Variants in PATZ1 observed in about 807,000 individuals in gnomAD.
PATZ1 encodes the protein POZ/BTB and AT hook containing zinc finger 1.
Under a neutral mutation model 46.2 loss-of-function variants are expected in PATZ1, and 9 were observed. The ratio of observed to expected loss-of-function variants is 0.19; its 90% CI spans 0.12 to 0.34. The LOEUF (loss-of-function observed/expected upper bound fraction) is 0.34. Ranked by LOEUF, PATZ1 falls within the 10% of genes least tolerant of loss-of-function variation. The probability of loss-of-function intolerance (pLI) is 1.00; values close to 1 mark genes in which losing one functional copy is unlikely to be tolerated. For missense variants in PATZ1, 632 were observed against 923.0 expected (o/e 0.68, Z 4.08); for synonymous variants, 426 against 378.6 (o/e 1.13, Z -1.45).
Position 31,328,631 on chromosome 22 carries a change from G to T in PATZ1, c.1645+156C>A, listed in dbSNP as rs2049396783. Among the ~76,000 whole-genome samples the T allele has an allele frequency of 1.3e-5, 2 of 152,212 alleles. No homozygotes were observed. The highest frequency in any genetic ancestry group is 4.1e-4 in the South Asian group (2 of 4,834). On this transcript the variant is annotated intron_variant, in intron 4 of 4. Transcript: ENST00000266269. This position sits in a 1 kb window ranked among gnomAD's most constrained non-coding sequence, Gnocchi z 4.8. ...ACTGCCCTGGAGTGAGATACCCACT[G>T]TGACTTTTGTCCTGGAGGCCACTGC...
At chr22:31,335,470 T>G (rs1327800028) in intron 3 of PATZ1, 4 of 524,694 alleles carry the variant, frequency 7.6e-6, no homozygotes, top group South Asian at 2.8e-5. Context: ...TGTTTTGACC[T>G]GCTGGTCTCC....
At position 31,345,095 on chromosome 22, in the gene PATZ1, C is replaced by T; in HGVS notation, c.508G>A (p.Ala170Thr). 1.9e-6 allele frequency: 3 copies of T among 1,614,174 alleles called. No homozygotes were observed. The highest frequency in any genetic ancestry group is 8.5e-7 in the Non-Finnish European group (1 of 1,180,030). The change falls in exon 1 of 5, where the codon GCC (alanine) becomes ACC (threonine). Residue 170 changes from alanine (A) to threonine (T), a missense_variant. Ala to Thr is a moderately conservative substitution (Grantham distance 58). This residue lies in a region of PATZ1 where 279 missense variants were observed against 284.3 expected (regional missense o/e 0.98). Coordinates refer to ENST00000266269, the MANE Select transcript of PATZ1 (RefSeq NM_014323.3). This position sits in a 1 kb window ranked among gnomAD's most constrained non-coding sequence, Gnocchi z 7.4. ...GGGGGGCGAAAGAGCATTATATCGG[C>T]GCGGGCAGGGGGTACCAGGATCTGT... ...NVQILVPPARADIMLFRPPGT... is the reference protein window; with the variant it reads ...NVQILVPPARTDIMLFRPPGT...
chr22:31,327,867 G>A lies in PATZ1; in HGVS notation c.1646-558C>T, dbSNP rs2049387136. 6.6e-6 allele frequency among the ~76,000 whole-genome samples: 1 copy of A among 152,096 alleles called. No homozygotes were observed. On this transcript the variant is annotated intron_variant, in intron 4 of 4. Coordinates refer to ENST00000266269, the MANE Select transcript of PATZ1 (RefSeq NM_014323.3). The surrounding 1 kb of genome is among the most constrained non-coding windows in gnomAD (Gnocchi z 4.2). ...CTGCAAACATAGCCCTGTCCTTACC[G>A]CCTTCCTTCTGCCAAAACCTTTTCA... is the stretch of plus-strand genomic sequence containing the variant.
intron 2 of PATZ1, among the ~76,000 whole-genome samples, chr22:31,342,314 C>T (rs2049592598): frequency 6.6e-6 from 1 of 152,166 alleles, no homozygotes; most frequent in South Asian, 2.1e-4. Context: ...GCCCACTTTG[C>T]TCTCCAGTCC....
At position 31,327,049 on chromosome 22, in the gene PATZ1, G is replaced by A. The variant is rs370436681; in HGVS notation, c.1906C>T (p.Leu636=). 6 of 1,613,928 alleles carry A rather than the reference G, an allele frequency of 3.7e-6. No individual in the cohort carries two copies. Among genetic ancestry groups the A allele is most frequent in the Non-Finnish European group, 5.1e-6 (6 of 1,179,986 alleles). Residue 636 remains leucine (L), a synonymous_variant, in exon 5 of 5, where the codon CTG becomes TTG. Transcript: ENST00000266269. The surrounding 1 kb of genome is among the most constrained non-coding windows in gnomAD (Gnocchi z 4.2). The part of the protein sequence containing the change: ...KVHVRALGGP[L]GDLGPALGSP... ...CCAAGGGCAGGGCCCAGGTCCCCCAGGGGGCCCCCGAGAGCCCGGACATGC... is the reference window on the plus strand; with the variant it reads ...CCAAGGGCAGGGCCCAGGTCCCCCAAGGGGCCCCCGAGAGCCCGGACATGC...
At position 31,345,568 on chromosome 22, in the gene PATZ1, G is replaced by T. The variant is rs2049643334; in HGVS notation, c.35C>A (p.Ser12Tyr). The T allele has an allele frequency of 1.2e-6, 2 of 1,601,064 alleles. No homozygotes were observed. The highest frequency in any genetic ancestry group is 1.7e-6 in the Non-Finnish European group (2 of 1,170,750). ...ERVNDASCGP[S>Y]GCYTYQVSRH... ...GCTCACCTGGTATGTGTAGCAGCCA[G>T]ACGGGCCGCACGAAGCGTCGTTCAC... Residue 12 changes from serine to tyrosine, a missense_variant, in exon 1 of 5, where the codon TCT (serine) becomes TAT (tyrosine). Around this residue, in one of 7 missense-constraint regions of PATZ1, gnomAD observed 30 missense variants for 27.7 expected, o/e 1.08. Coordinates refer to ENST00000266269, the MANE Select transcript of PATZ1 (RefSeq NM_014323.3). The surrounding 1 kb of genome is among the most constrained non-coding windows in gnomAD (Gnocchi z 7.4).
At position 31,331,090 on chromosome 22, in the gene PATZ1, G is replaced by T. The variant is rs929720745; in HGVS notation, c.1508-2166C>A. Among the ~76,000 whole-genome samples the T allele has an allele frequency of 2.6e-5, 4 of 152,206 alleles. 1 individual carries two copies. The highest frequency in any genetic ancestry group is 2.0e-4 in the Admixed American group (3 of 15,282). ...GTTGTCCTGTGCTATGACCGCAGTG[G>T]TCTGCCTGAGGCTGATCATGGGTAT... On this transcript the variant is annotated intron_variant, in intron 3 of 4. Transcript: ENST00000266269.
At chr22:31,336,502 GA>G (rs547573748) in intron 2 of PATZ1, among the ~76,000 whole-genome samples, 7 of 152,114 alleles carry the variant, frequency 4.6e-5, no homozygotes, top group Non-Finnish European at 1.0e-4. Context: ...GCAAGGGCCA[GA>G]GGCTTCAAAA....
At chr22:31,331,231 G>A (rs2049437837) in intron 3 of PATZ1, among the ~76,000 whole-genome samples, 1 of 152,144 alleles carries the variant, frequency 6.6e-6, no homozygotes, top group Non-Finnish European at 1.5e-5. Flanking sequence ...GGGTGGTACT[G>A]TAGAGTCCCC....
In PATZ1 at chr22:31,344,751, C is replaced by A; in HGVS notation, c.852G>T (p.Gly284=). ...GAAGGATGCCTGCCTCCCTCAGGCC[C>A]CCTGGGGACCCAAACATTGAGTCCA... ...NLLDSMFGSP[G]GLREAGILPC... Residue 284 remains glycine, a synonymous_variant, in exon 1 of 5, where the codon GGG becomes GGT. Coordinates refer to ENST00000266269, the MANE Select transcript of PATZ1 (RefSeq NM_014323.3). 1.2e-6 allele frequency: 2 copies of A among 1,609,680 alleles called. No individual in the cohort carries two copies. The highest frequency in any genetic ancestry group is 1.1e-5 in the South Asian group (1 of 90,832).
In PATZ1 at chr22:31,336,005, G is replaced by C. The variant is rs1273341001; in HGVS notation, c.1336-142C>G. 8.0e-5 allele frequency: 57 copies of C among 710,978 alleles called. No homozygotes were observed. In the South Asian group the frequency reaches 1.0e-3, roughly 12 times the overall value. The allele number at this position is 710,978 out of a possible 1,614,324, so 44.0% of individuals were successfully genotyped here. ...AAGACAGCTTTAGAGTTTGGCTCAG[G>C]CTCCCTACCCAGAATGCCAAGAGGC... On this transcript the variant is annotated intron_variant, in intron 2 of 4. Transcript: ENST00000266269.
rs1050225840 is a variant in PATZ1 at position 31,328,173 on chromosome 22, G to A, written c.1645+614C>T. On this transcript the variant is annotated intron_variant, in intron 4 of 4. Transcript: ENST00000266269. This position sits in a 1 kb window ranked among gnomAD's most constrained non-coding sequence, Gnocchi z 4.8. ...GCCTCATCCCCAAGGCAACGACAACGTGACATACCACAAAACAACCTGAAT... is the reference window on the plus strand; with the variant it reads ...GCCTCATCCCCAAGGCAACGACAACATGACATACCACAAAACAACCTGAAT... Among the ~76,000 whole-genome samples the A allele has an allele frequency of 6.6e-6, 1 of 152,228 alleles. No individual in the cohort carries two copies. Among genetic ancestry groups the A allele is most frequent in the Non-Finnish European group, 1.5e-5 (1 of 68,038 alleles).
At chr22:31,340,986 A>C in intron 2 of PATZ1, 3 of 1,072,876 alleles carry the variant, frequency 2.8e-6, no homozygotes, top group Non-Finnish European at 3.4e-6. Context: ...TCTTCTCTGG[A>C]GGCCGACTCA....
chr22:31,339,980 G>C lies in PATZ1; in HGVS notation c.1335+2917C>G, dbSNP rs188286696. On this transcript the variant is annotated intron_variant, in intron 2 of 4. Transcript: ENST00000266269. ...AATGCATGAAGGTTCAGCTCCCTGG[G>C]CTCTTTGGCCCCCTTCTTCTCGAGC... is the stretch of plus-strand genomic sequence containing the variant. Among the ~76,000 whole-genome samples the C allele has an allele frequency of 1.7e-4, 26 of 152,324 alleles. No homozygotes were observed. In the East Asian group the frequency reaches 3.7e-3, roughly 21 times the overall value.
intron 1 of PATZ1, 149 bp from the exon 2 acceptor site, chr22:31,343,109 C>A: frequency 7.0e-7 from 1 of 1,432,532 alleles, no homozygotes; most frequent in South Asian, 1.5e-5. Flanking sequence ...GACAAAGTCA[C>A]CACCCAGTTC....
At position 31,344,661 on chromosome 22, in the gene PATZ1, G is replaced by A; in HGVS notation, c.942C>T (p.His314=). 1.9e-6 allele frequency: 3 copies of A among 1,613,992 alleles called. No individual in the cohort carries two copies. The highest frequency in any genetic ancestry group is 1.3e-5 in the African/African-American group (1 of 75,070). The change falls in exon 1 of 5, where the codon CAC becomes CAT. Residue 314 remains histidine, a synonymous_variant. Coordinates refer to ENST00000266269, the MANE Select transcript of PATZ1 (RefSeq NM_014323.3). ...ANRLRQHEAQ[H]GVTSLQLGYI... ...AGCCCAGCTGGAGGCTGGTGACACC[G>A]TGCTGGGCCTCGTGCTGCCGGAGCC...
Position 31,328,683 on chromosome 22 carries a change from G to T in PATZ1, c.1645+104C>A. The T allele has an allele frequency of 9.7e-7, 1 of 1,026,210 alleles. No individual in the cohort carries two copies. The highest frequency in any genetic ancestry group is 1.5e-6 in the Non-Finnish European group (1 of 662,408). The allele number at this position is 1,026,210 out of a possible 1,614,324, so 63.6% of individuals were successfully genotyped here. ...ACTCAGATCTCTGAGTCTCCTCAAG[G>T]CAGCCAGAAAGCCGGCAGCCTTCCC... On this transcript the variant is annotated intron_variant, in intron 4 of 4. Transcript: ENST00000266269. The surrounding 1 kb of genome is among the most constrained non-coding windows in gnomAD (Gnocchi z 4.8).
At chr22:31,341,755 C>T in intron 2 of PATZ1, 1 of 1,371,576 alleles carries the variant, frequency 7.3e-7, no homozygotes, top group Non-Finnish European at 1.0e-6. Flanking sequence ...CTCTGGGCTC[C>T]TCCTACTCTG....
Position 31,328,648 on chromosome 22 carries a change from G to A in PATZ1, c.1645+139C>T. The A allele has an allele frequency of 4.1e-6, 3 of 727,412 alleles. No individual in the cohort carries two copies. The highest frequency in any genetic ancestry group is 7.2e-6 in the Non-Finnish European group (3 of 418,606). 45.1% of individuals were successfully genotyped at this position (727,412 alleles called of 1,614,324 possible). A position where few individuals can be genotyped will look rare whatever the true frequency, so the allele number is the denominator to read the frequency against. Reference sequence around the variant, plus strand: ...TACCCACTGTGACTTTTGTCCTGGAGGCCACTGCCACTCAGATCTCTGAGT... The same window carrying A: ...TACCCACTGTGACTTTTGTCCTGGAAGCCACTGCCACTCAGATCTCTGAGT... On this transcript the variant is annotated intron_variant, in intron 4 of 4. Transcript: ENST00000266269. The surrounding 1 kb of genome is among the most constrained non-coding windows in gnomAD (Gnocchi z 4.8).
Sources: allele counts gnomAD v4.1 joint callset (sites outside exome capture counted in the v4.1 genomes callset), GRCh38; gene constraint gnomAD v4.1.1; regional missense constraint gnomAD v4.1.1; non-coding constraint Gnocchi (gnomAD v3.1); transcripts MANE v1.5; gene names NCBI Gene and HGNC (gene_info 2026-07-23, HGNC 2026-07-21).